Variants in EFNA5 observed in about 807,000 individuals in gnomAD.
The protein encoded by EFNA5 is ephrin A5.
In EFNA5, 5 loss-of-function variants were observed where a neutral mutation model predicts 22.9. That is an observed-to-expected ratio of 0.22 (90% CI 0.11 to 0.46). The LOEUF (loss-of-function observed/expected upper bound fraction) is 0.46, where lower values mean the gene tolerates loss of function less well. EFNA5 is among the 20% of genes least tolerant of loss of function. The pLI, the probability that EFNA5 is intolerant of heterozygous loss-of-function variation, is 0.99. For missense variants in EFNA5, 237 were observed against 293.3 expected, an observed-to-expected ratio of 0.81 and a Z score of 1.40; for synonymous variants, 113 against 112.2, an observed-to-expected ratio of 1.01 and a Z score of -0.04.
intron 1 of EFNA5, among the ~76,000 whole-genome samples, chr5:107,657,878 C>T (rs566418345): frequency 2.0e-5 from 3 of 152,034 alleles, no homozygotes; most frequent in South Asian, 4.2e-4. Context: ...AAACAAAAAA[C>T]GCAGAGTAAT....
intron 1 of EFNA5, among the ~76,000 whole-genome samples, chr5:107,464,712 T>C (rs761988672): frequency 1.1e-4 from 16 of 152,128 alleles, no homozygotes; most frequent in African/African-American, 3.4e-4. Flanking sequence ...GAGTTGCCCA[T>C]AGGCTCAAAT....
chr5:107,505,038 C>T (rs1328729784), intron 1 of EFNA5, among the ~76,000 whole-genome samples: 1 of 152,024 alleles, frequency 6.6e-6, no homozygotes, highest in African/African-American at 2.4e-5. Flanking sequence ...TGAAAAACTA[C>T]TGTGACATTA....
At chr5:107,597,755 C>A (rs1749503888) in intron 1 of EFNA5, among the ~76,000 whole-genome samples, 1 of 152,012 alleles carries the variant, frequency 6.6e-6, no homozygotes, top group Non-Finnish European at 1.5e-5. Context: ...GACCGTGAAC[C>A]AGAGATTTTC....
At chr5:107,665,742 TAGC>T (rs1751052773) in intron 1 of EFNA5, among the ~76,000 whole-genome samples, 1 of 152,178 alleles carries the variant, frequency 6.6e-6, no homozygotes, top group Non-Finnish European at 1.5e-5. Context: ...CATATCTTAG[TAGC>T]TAACTCTGCT....
At chr5:107,440,941 T>C (rs1192261067) in intron 1 of EFNA5, among the ~76,000 whole-genome samples, 1 of 152,128 alleles carries the variant, frequency 6.6e-6, no homozygotes, top group Non-Finnish European at 1.5e-5. Flanking sequence ...ATTCAACATC[T>C]GGGTATCTAC....
chr5:107,382,036 A>G (rs555972914), intron 4 of EFNA5, among the ~76,000 whole-genome samples: 47 of 152,268 alleles, frequency 3.1e-4, no homozygotes, highest in African/African-American at 1.1e-3. Context: ...TCTAAGATTA[A>G]ATTACTTGAA....
intron 1 of EFNA5, among the ~76,000 whole-genome samples, chr5:107,496,348 AAAAAAC>A (rs1188073808): frequency 2.7e-5 from 4 of 149,908 alleles, no homozygotes; most frequent in Admixed American, 6.6e-5. Context: ...AAAAAAAAAA[AAAAAAC>A]AAAAAAACAA....
At chr5:107,578,979 T>G (rs1748984732) in intron 1 of EFNA5, among the ~76,000 whole-genome samples, 2 of 152,150 alleles carry the variant, frequency 1.3e-5, no homozygotes, top group Admixed American at 1.3e-4. Flanking sequence ...ATTTTAATTT[T>G]TTTAATGGAG....
chr5:107,562,018 G>A (rs1748557902), intron 1 of EFNA5, among the ~76,000 whole-genome samples: 1 of 152,144 alleles, frequency 6.6e-6, no homozygotes, highest in African/African-American at 2.4e-5. Context: ...TGCCACCCTT[G>A]GCAGTTGAGG....
chr5:107,585,675 G>C (rs1353557458), intron 1 of EFNA5, among the ~76,000 whole-genome samples: 1 of 152,066 alleles, frequency 6.6e-6, no homozygotes, highest in Non-Finnish European at 1.5e-5. Flanking sequence ...GGGATGGTAG[G>C]GTAGGGATTT....
At chr5:107,597,109 T>G (rs1243769232) in intron 1 of EFNA5, among the ~76,000 whole-genome samples, 1 of 152,144 alleles carries the variant, frequency 6.6e-6, no homozygotes, top group African/African-American at 2.4e-5. Context: ...ATAAAAACTG[T>G]TTTAAGAAAT....
chr5:107,431,026 G>A (rs976230211), intron 1 of EFNA5, among the ~76,000 whole-genome samples: 3 of 151,974 alleles, frequency 2.0e-5, no homozygotes, highest in Admixed American at 6.6e-5. Context: ...TGCCCAGCTC[G>A]GCCTCCCGAA....
At chr5:107,640,139 T>A (rs1453909000) in intron 1 of EFNA5, among the ~76,000 whole-genome samples, 1 of 152,184 alleles carries the variant, frequency 6.6e-6, no homozygotes, top group African/African-American at 2.4e-5. Flanking sequence ...TTAACGCCAT[T>A]TTTTAATCTG....
chr5:107,506,061 C>T (rs1245538636), intron 1 of EFNA5: 1 of 152,284 alleles, frequency 6.6e-6, no homozygotes, highest in African/African-American at 2.4e-5. Flanking sequence ...ACAAGAAACA[C>T]TTCAAGCTCT....
chr5:107,445,051 C>G (rs922867727), intron 1 of EFNA5, among the ~76,000 whole-genome samples: 1 of 151,994 alleles, frequency 6.6e-6, no homozygotes. Flanking sequence ...GAGATAGAGT[C>G]TCACTCTGTC....
chr5:107,494,007 T>G (rs1310298622), intron 1 of EFNA5, among the ~76,000 whole-genome samples: 1 of 152,240 alleles, frequency 6.6e-6, no homozygotes, highest in African/African-American at 2.4e-5. Flanking sequence ...TTTAATGCTC[T>G]TAAAATGAGC....
At chr5:107,634,463 C>CATATACAAGAG (rs1353246016) in intron 1 of EFNA5, among the ~76,000 whole-genome samples, 1 of 148,720 alleles carries the variant, frequency 6.7e-6, no homozygotes, top group Non-Finnish European at 1.5e-5. Flanking sequence ...TTGCAGTTAG[C>CATATACAAGAG]TATGATGGCG....
intron 1 of EFNA5, among the ~76,000 whole-genome samples, chr5:107,607,702 C>T (rs1240724335): frequency 2.6e-5 from 4 of 152,124 alleles, no homozygotes; most frequent in Non-Finnish European, 5.9e-5. Context: ...TTCTTCCAAA[C>T]TTGCTGTGAG....
chr5:107,491,779 T>G (rs922593196), intron 1 of EFNA5, among the ~76,000 whole-genome samples: 1 of 152,214 alleles, frequency 6.6e-6, no homozygotes, highest in African/African-American at 2.4e-5. Flanking sequence ...TACCCTTTTA[T>G]AGCTTTTAAG....
Sources: gnomAD v4.1 joint callset for allele counts (sites outside exome capture counted in the v4.1 genomes callset) on GRCh38, gnomAD v4.1.1 for gene constraint, MANE v1.5 for transcripts, NCBI Gene and HGNC (gene_info 2026-07-23, HGNC 2026-07-21) for gene names.